SLC15A4: variants seen among roughly 807,000 people sequenced by gnomAD.
SLC15A4 encodes solute carrier family 15 member 4.
In SLC15A4, 26 loss-of-function variants were observed where a neutral mutation model predicts 46.1. The observed-to-expected ratio is 0.56, with a 90% CI of 0.41 to 0.78. The LOEUF is 0.78. Among genes scored for constraint, SLC15A4 ranks in the 30% least tolerant of loss-of-function variants. The pLI is 0.00. For missense variants in SLC15A4, 751 were observed against 755.7 expected (o/e 0.99, Z 0.07); for synonymous variants, 370 against 333.4 (o/e 1.11, Z -1.20).
chr12:128,809,486 A>C lies in SLC15A4; in HGVS notation c.1012-13T>G, dbSNP rs748626066. On this transcript the variant is annotated splice_polypyrimidine_tract_variant and intron_variant, in intron 3 of 7. Coordinates refer to ENST00000266771, the MANE Select transcript of SLC15A4 (RefSeq NM_145648.4). ...ATGTTGTCTGCATCTAGGTATAAAA[A>C]ACAGTATCATTATATGTGGACCAAC... 4 of 1,570,550 alleles carry C rather than the reference A, an allele frequency of 2.5e-6. No homozygotes were observed. Among genetic ancestry groups the C allele is most frequent in the Non-Finnish European group, 2.6e-6 (3 of 1,147,434 alleles).
At chr12:128,816,318 G>C (rs138898183) in intron 1 of SLC15A4, among the ~76,000 whole-genome samples, 1 of 152,194 alleles carries the variant, frequency 6.6e-6, no homozygotes, top group Non-Finnish European at 1.5e-5. Flanking sequence ...GACATTTCTA[G>C]TGAGTTTCAT....
At chr12:128,803,218 A>G (rs1467421244) in intron 5 of SLC15A4, among the ~76,000 whole-genome samples, 3 of 152,254 alleles carry the variant, frequency 2.0e-5, no homozygotes, top group Non-Finnish European at 4.4e-5. Context: ...ACAGAACTAA[A>G]GCATAATATA....
At chr12:128,815,246 G>A (rs1470488742) in intron 1 of SLC15A4, 176 bp from the exon 2 acceptor site, 9 of 619,356 alleles carry the variant, frequency 1.5e-5, no homozygotes, top group South Asian at 4.1e-5. Flanking sequence ...CACACCCCAC[G>A]CTTTTAATTA....
At chr12:128,811,398 G>A (rs895855632) in intron 2 of SLC15A4, among the ~76,000 whole-genome samples, 2 of 152,206 alleles carry the variant, frequency 1.3e-5, no homozygotes, top group African/African-American at 4.8e-5. Flanking sequence ...TAGAAGCGCT[G>A]AAAACTATAA....
chr12:128,801,282 C>G, intron 5 of SLC15A4: 1 of 290,628 alleles, frequency 3.4e-6, no homozygotes, highest in South Asian at 6.3e-5. Flanking sequence ...TCATTTAATC[C>G]TCAAATATCT....
intron 5 of SLC15A4, among the ~76,000 whole-genome samples, chr12:128,807,379 A>G (rs940622247): frequency 6.6e-6 from 1 of 152,246 alleles, no homozygotes; most frequent in Non-Finnish European, 1.5e-5. Context: ...AGAGGATGTT[A>G]GGAAAGGAGC....
intron 1 of SLC15A4, 161 bp from the exon 2 acceptor site, chr12:128,815,231 A>G (rs1955734950): frequency 1.5e-6 from 1 of 679,674 alleles, no homozygotes; most frequent in Admixed American, 2.8e-5. Flanking sequence ...GATCTCAACA[A>G]AAAGCACACC....
intron 7 of SLC15A4, 87 bp from the exon 8 acceptor site, chr12:128,794,443 AAGGTTTAACTGG>A: frequency 1.5e-6 from 2 of 1,301,514 alleles, no homozygotes; most frequent in Non-Finnish European, 2.1e-6. Context: ...GGTTCCCACT[AAGGTTTAACTGG>A]AGTCATAAAA....
At chr12:128,808,990 C>G (rs763758652) in intron 4 of SLC15A4, 34 bp from the exon 5 acceptor site, 1 of 1,592,372 alleles carries the variant, frequency 6.3e-7, no homozygotes, top group African/African-American at 1.3e-5. Context: ...CGTTTACTCC[C>G]CGCAATACAG....
intron 2 of SLC15A4, chr12:128,813,561 G>A (rs191057206): frequency 6.6e-6 from 1 of 152,296 alleles, no homozygotes; most frequent in Admixed American, 6.5e-5. Flanking sequence ...ATTCGCTACG[G>A]CTCCAAGAGC....
Position 128,823,442 on chromosome 12 carries a change from C to T in SLC15A4, c.502G>A (p.Val168Met), listed in dbSNP as rs775775008. 1.4e-6 allele frequency: 2 copies of T among 1,467,470 alleles called. No individual in the cohort carries two copies. Among genetic ancestry groups the T allele is most frequent in the South Asian group, 2.6e-5 (2 of 76,454 alleles). The allele number at this position is 1,467,470 out of a possible 1,614,324, so 90.9% of individuals were successfully genotyped here. A position where few individuals can be genotyped will look rare whatever the true frequency, so the allele number is the denominator to read the frequency against. Residue 168 changes from valine to methionine, a missense_variant, in exon 1 of 8, where the codon GTG becomes ATG. Transcript: ENST00000266771. ...GTGATGTTGGCCTTGACGGTGGCCA[C>T]GCCCAGGCCCACCAGCACCAGCCCC... The part of the protein sequence containing the change: ...FAGLVLVGLG[V>M]ATVKANITPF...
At position 128,823,678 on chromosome 12, in the gene SLC15A4, G is replaced by T. The variant is rs1168597516; in HGVS notation, c.266C>A (p.Ser89Ter). 6.6e-7 allele frequency: 1 copy of T among 1,503,764 alleles called. No homozygotes were observed. Among genetic ancestry groups the T allele is most frequent in the East Asian group, 2.8e-5 (1 of 36,034 alleles). The allele number at this position is 1,503,764 out of a possible 1,614,324, so 93.2% of individuals were successfully genotyped here. A position where few individuals can be genotyped will look rare whatever the true frequency, so the allele number is the denominator to read the frequency against. ...LLFMGLTYLG[S>*]PFGGWLADAR... ...GTCGGCCAGCCAGCCTCCGAACGGC[G>T]AGCCCAGGTAGGTGAGGCCCATGAA... Residue 89 changes from serine to a stop codon, truncating the protein, a stop_gained, in exon 1 of 8, where the codon TCG becomes TAG. Coordinates refer to ENST00000266771, the MANE Select transcript of SLC15A4 (RefSeq NM_145648.4). LOFTEE classifies it high-confidence loss of function.
rs950828428 is a variant in SLC15A4 at position 128,823,848 on chromosome 12, G to C, written c.96C>G (p.Gly32=). The C allele has an allele frequency of 7.9e-5, 100 of 1,268,482 alleles. No homozygotes were observed. The highest frequency in any genetic ancestry group is 9.9e-5 in the Non-Finnish European group (98 of 992,224). The allele number at this position is 1,268,482 out of a possible 1,614,324, so 78.6% of individuals were successfully genotyped here. A position where few individuals can be genotyped will look rare whatever the true frequency, so the allele number is the denominator to read the frequency against. The change falls in exon 1 of 8, where the codon GGC becomes GGG. Residue 32 remains glycine (G), a synonymous_variant. Coordinates refer to ENST00000266771, the MANE Select transcript of SLC15A4 (RefSeq NM_145648.4). Reference sequence around the variant, plus strand: ...GCACGGCCCCGCACGCCGCGCGCCGGCCCGCGAACGCCCCAGCCGCCGCCG... The same window carrying C: ...GCACGGCCCCGCACGCCGCGCGCCGCCCCGCGAACGCCCCAGCCGCCGCCG... ...AAAAAAGAFA[G]RRAACGAVLL...
chr12:128,821,981 A>G (rs1955848104), intron 1 of SLC15A4, among the ~76,000 whole-genome samples: 1 of 152,136 alleles, frequency 6.6e-6, no homozygotes, highest in Non-Finnish European at 1.5e-5. Context: ...CTGCTACCCC[A>G]GCTGTAGTGC....
chr12:128,818,543 C>T (rs1955790110), intron 1 of SLC15A4, among the ~76,000 whole-genome samples: 1 of 152,250 alleles, frequency 6.6e-6, no homozygotes, highest in Non-Finnish European at 1.5e-5. Flanking sequence ...GAAGCAGCCG[C>T]ACCTGGAGGG....
At chr12:128,817,214 T>A (rs1955766995) in intron 1 of SLC15A4, among the ~76,000 whole-genome samples, 1 of 151,978 alleles carries the variant, frequency 6.6e-6, no homozygotes, top group Admixed American at 6.6e-5. Context: ...GAATAAAGAG[T>A]TTGAGGTGAG....
At position 128,823,891 on chromosome 12, in the gene SLC15A4, C is replaced by A; in HGVS notation, c.53G>T (p.Arg18Leu). 1 of 944,476 alleles carries A rather than the reference C, an allele frequency of 1.1e-6. No individual in the cohort carries two copies. Among genetic ancestry groups the A allele is most frequent in the Non-Finnish European group, 1.3e-6 (1 of 795,218 alleles). The allele number at this position is 944,476 out of a possible 1,614,324, so 58.5% of individuals were successfully genotyped here. ...CGCCGCCGCGGCCGCCGCCGCCCGC[C>A]GCGCGCCCAGCAGCGGCGCCCGCTC... is the stretch of plus-strand genomic sequence containing the variant. ...AGERAPLLGA[R>L]RAAAAAAAAG... is the part of the protein sequence containing the mutation. Residue 18 changes from arginine (R) to leucine (L), a missense_variant, in exon 1 of 8, where the codon CGG becomes CTG. Arg to Leu is a moderately radical substitution (Grantham distance 102). Transcript: ENST00000266771.
In SLC15A4 at chr12:128,823,721, T is replaced by C. The variant is rs1955889716; in HGVS notation, c.223A>G (p.Ser75Gly). Residue 75 changes from serine to glycine, a missense_variant, in exon 1 of 8, where the codon AGC becomes GGC. Transcript: ENST00000266771. ...CCCATGAAGAGCAGCAGCGCCTCGCTGGCCTGCGCGCCCTCCCAGCAGAAC... is the reference window on the plus strand; with the variant it reads ...CCCATGAAGAGCAGCAGCGCCTCGCCGGCCTGCGCGCCCTCCCAGCAGAAC... ...APFCWEGAQA[S>G]EALLLFMGLT... 6.5e-7 allele frequency: 1 copy of C among 1,538,184 alleles called. No individual in the cohort carries two copies. The highest frequency in any genetic ancestry group is 1.2e-5 in the South Asian group (1 of 83,626).
intron 1 of SLC15A4, among the ~76,000 whole-genome samples, chr12:128,816,899 T>C (rs1015763881): frequency 3.9e-5 from 6 of 152,232 alleles, no homozygotes; most frequent in African/African-American, 1.2e-4. Context: ...TATGGTATTT[T>C]AAACTCTATT....
Sources: gnomAD v4.1 joint callset for allele counts (sites outside exome capture counted in the v4.1 genomes callset) on GRCh38, gnomAD v4.1.1 for gene constraint, MANE v1.5 for transcripts, NCBI Gene and HGNC (gene_info 2026-07-23, HGNC 2026-07-21) for gene names.